The following FLNB variants were observed in gnomAD, a reference collection of about 807,000 sequenced individuals.
FLNB encodes the protein filamin B.
A neutral mutation model predicts 250.6 loss-of-function variants in FLNB; 111 were observed. The observed-to-expected ratio is 0.44, with a 90% CI of 0.38 to 0.52. The LOEUF is 0.52. Ranked by LOEUF, FLNB falls within the 20% of genes least tolerant of loss-of-function variation. The probability of loss-of-function intolerance (pLI) is 0.00; values close to 1 mark genes in which losing one functional copy is unlikely to be tolerated. For missense variants in FLNB, 2,869 were observed against 3,447.8 expected, an observed-to-expected ratio of 0.83 and a Z score of 4.20; for synonymous variants, 1,302 against 1,372.1, an observed-to-expected ratio of 0.95 and a Z score of 1.13.
intron 21 of FLNB, 76 bp from the exon 22 acceptor site, chr3:58,124,256 C>T: frequency 6.6e-7 from 1 of 1,521,944 alleles, no homozygotes; most frequent in Non-Finnish European, 9.1e-7. Flanking sequence ...CCTGAAGTGC[C>T]AAGAACCTTG....
At chr3:58,024,600 A>G (rs566954616) in intron 1 of FLNB, among the ~76,000 whole-genome samples, 6 of 150,616 alleles carry the variant, frequency 4.0e-5, no homozygotes, top group Non-Finnish European at 7.4e-5. Context: ...TACCTAACAG[A>G]CTCTTTTTAG....
In FLNB at chr3:58,008,642, C is replaced by G; in HGVS notation, c.78C>G (p.Cys26Trp). ...KIQQNTFTRW[C>W]NEHLKCVNKR... ...AGCAGAACACGTTCACACGCTGGTG[C>G]AACGAGCACCTCAAGTGCGTGAACA... Residue 26 changes from cysteine (C) to tryptophan (W), a missense_variant, in exon 1 of 46, where the codon TGC (cysteine) becomes TGG (tryptophan). Physicochemically the swap from Cys to Trp is radical, Grantham distance 215 (BLOSUM62 -2). Coordinates refer to ENST00000295956, the MANE Select transcript of FLNB (RefSeq NM_001457.4). 1 of 1,614,074 alleles carries G rather than the reference C, an allele frequency of 6.2e-7. No homozygotes were observed. Among genetic ancestry groups the G allele is most frequent in the Middle Eastern group, 1.7e-4 (1 of 6,038 alleles).
intron 9 of FLNB, among the ~76,000 whole-genome samples, chr3:58,102,894 C>T (rs879934275): frequency 6.6e-6 from 1 of 152,192 alleles, no homozygotes; most frequent in Non-Finnish European, 1.5e-5. Flanking sequence ...TTAAACCCTG[C>T]AACCCATTCT....
intron 8 of FLNB, 22 bp downstream of exon 8, chr3:58,098,930 A>T: frequency 6.2e-7 from 1 of 1,607,768 alleles, no homozygotes; most frequent in Non-Finnish European, 8.5e-7. Flanking sequence ...GCTGCTGGCC[A>T]CATGTGCTTC....
At chr3:58,066,191 C>CT (rs1166590067) in intron 1 of FLNB, among the ~76,000 whole-genome samples, 1 of 150,756 alleles carries the variant, frequency 6.6e-6, no homozygotes, top group East Asian at 1.9e-4. Context: ...TTTTCTTCTT[C>CT]TTTAAGTTTT....
intron 1 of FLNB, among the ~76,000 whole-genome samples, chr3:58,019,582 A>T (rs2097110752): frequency 6.6e-6 from 1 of 152,188 alleles, no homozygotes; most frequent in Admixed American, 6.5e-5. Flanking sequence ...GCTGTAAAGG[A>T]CTTTTGTGTC....
intron 4 of FLNB, among the ~76,000 whole-genome samples, chr3:58,084,991 T>C (rs1253757613): frequency 6.6e-6 from 1 of 152,270 alleles, no homozygotes; most frequent in Non-Finnish European, 1.5e-5. Context: ...CACCATGTTG[T>C]AGCATGTGTT....
At chr3:58,109,964 C>T in intron 15 of FLNB, 46 bp from the exon 16 acceptor site, 1 of 1,609,854 alleles carries the variant, frequency 6.2e-7, no homozygotes, top group Non-Finnish European at 8.5e-7. Context: ...TTGCACAGGA[C>T]ATGCTGTTTC....
In FLNB at chr3:58,153,539, G is replaced by A. The variant is rs752326983; in HGVS notation, c.6532G>A (p.Gly2178Ser). ...SVKYRGQHVTGSPFQFTVGPL... is the reference protein window; with the variant it reads ...SVKYRGQHVTSSPFQFTVGPL... Reference sequence around the variant, plus strand: ...CAAGTACCGTGGGCAGCACGTCACCGGCAGCCCCTTCCAGTTCACCGTGGG... The same window carrying A: ...CAAGTACCGTGGGCAGCACGTCACCAGCAGCCCCTTCCAGTTCACCGTGGG... Residue 2178 changes from glycine (G) to serine (S), a missense_variant, in exon 39 of 46, where the codon GGC becomes AGC. Transcript: ENST00000295956. The A allele has an allele frequency of 8.7e-6, 14 of 1,614,024 alleles. No homozygotes were observed. Among genetic ancestry groups the A allele is most frequent in the African/African-American group, 5.3e-5 (4 of 74,954 alleles).
intron 43 of FLNB, among the ~76,000 whole-genome samples, chr3:58,167,860 C>T (rs919302734): frequency 6.6e-6 from 1 of 152,242 alleles, no homozygotes; most frequent in African/African-American, 2.4e-5. Flanking sequence ...TACGCATGCC[C>T]CGTCAGCGGG....
chr3:58,061,517 G>A (rs904352347), intron 1 of FLNB, among the ~76,000 whole-genome samples: 1 of 151,264 alleles, frequency 6.6e-6, no homozygotes, highest in African/African-American at 2.4e-5. Flanking sequence ...GCTTGAGCCC[G>A]GGAGTTTAAG....
intron 1 of FLNB, among the ~76,000 whole-genome samples, chr3:58,013,118 T>G (rs1392026962): frequency 6.6e-6 from 1 of 152,254 alleles, no homozygotes; most frequent in African/African-American, 2.4e-5. Flanking sequence ...TTTATTTACT[T>G]GTTTTTCCAA....
At position 58,110,010 on chromosome 3, in the gene FLNB, G is replaced by A. The variant is rs1247642284; in HGVS notation, c.2324G>A (p.Gly775Asp). The A allele has an allele frequency of 1.9e-6, 3 of 1,614,190 alleles. No homozygotes were observed. Among genetic ancestry groups the A allele is most frequent in the Non-Finnish European group, 2.5e-6 (3 of 1,180,038 alleles). ...GTGCTAATAAGCTGGTCTGTTCCAG[G>A]TGATGTCAGTGTTGGCATTAAGTGT... is the stretch of plus-strand genomic sequence containing the variant. ...FTVDCTEAGE[G>D]DVSVGIKCDA... The change falls in exon 16 of 46, where the codon GGT becomes GAT. Residue 775 changes from glycine (G) to aspartate (D), a missense_variant and splice_region_variant. Around this residue, in one of 5 missense-constraint regions of FLNB, gnomAD observed 1,348 missense variants for 1,466.7 expected, o/e 0.92. Transcript: ENST00000295956.
At chr3:58,145,701 T>G (rs1313888882) in intron 32 of FLNB, among the ~76,000 whole-genome samples, 3 of 152,174 alleles carry the variant, frequency 2.0e-5, no homozygotes, top group Non-Finnish European at 4.4e-5. Flanking sequence ...GGATTGTTTT[T>G]CTTATGTTGT....
intron 4 of FLNB, among the ~76,000 whole-genome samples, chr3:58,091,608 G>A (rs1043813805): frequency 1.4e-5 from 2 of 145,492 alleles, no homozygotes; most frequent in African/African-American, 5.2e-5. Flanking sequence ...TCTCAGATTT[G>A]ACACCAAAAA....
At chr3:58,076,054 T>G (rs912757669) in intron 1 of FLNB, among the ~76,000 whole-genome samples, 2 of 152,188 alleles carry the variant, frequency 1.3e-5, no homozygotes, top group African/African-American at 4.8e-5. Flanking sequence ...TGATTTTGGC[T>G]GGGCACTTAT....
At chr3:58,075,589 G>C (rs952214649) in intron 1 of FLNB, among the ~76,000 whole-genome samples, 8 of 152,128 alleles carry the variant, frequency 5.3e-5, no homozygotes, top group Non-Finnish European at 8.8e-5. Context: ...GTGTGCAGCG[G>C]GAACCCTGGT....
At chr3:58,071,794 T>C (rs774950229) in intron 1 of FLNB, among the ~76,000 whole-genome samples, 3 of 152,148 alleles carry the variant, frequency 2.0e-5, no homozygotes, top group Admixed American at 6.5e-5. Context: ...ACTCCCTGGA[T>C]GGTTTGGTGC....
At chr3:58,033,761 A>G (rs140665183) in intron 1 of FLNB, among the ~76,000 whole-genome samples, 82 of 152,318 alleles carry the variant, frequency 5.4e-4, no homozygotes, top group African/African-American at 1.8e-3. Context: ...GCATGTGTCA[A>G]TAGTCCTATT....
Sources: allele counts gnomAD v4.1 joint callset (sites outside exome capture counted in the v4.1 genomes callset), GRCh38; gene constraint gnomAD v4.1.1; regional missense constraint gnomAD v4.1.1; transcripts MANE v1.5; gene names NCBI Gene and HGNC (gene_info 2026-07-23, HGNC 2026-07-21).